The following PAICS variants were observed in gnomAD, a reference collection of about 807,000 sequenced individuals.
PAICS encodes the protein phosphoribosylaminoimidazole carboxylase and phosphoribosylaminoimidazolesuccinocarboxamide synthase.
A neutral mutation model predicts 53.7 loss-of-function variants in PAICS; 33 were observed. The ratio of observed to expected loss-of-function variants is 0.61; its 90% CI spans 0.47 to 0.82. PAICS has a LOEUF of 0.82. PAICS is among the 40% of genes least tolerant of loss of function. The pLI is 0.00. For missense variants in PAICS, 394 were observed against 494.1 expected (o/e 0.80, Z 1.92); for synonymous variants, 141 against 167.2 (o/e 0.84, Z 1.21).
Position 56,450,669 on chromosome 4 carries a change from G to A in PAICS, c.738G>A (p.Lys246=), listed in dbSNP as rs1409440665. The A allele has an allele frequency of 1.3e-6, 2 of 1,541,518 alleles. No individual in the cohort carries two copies. The highest frequency in any genetic ancestry group is 2.4e-5 in the South Asian group (2 of 84,228). ...EVTPEGLQMV[K]KNFEWVAERV... ...CTCCTGAAGGGCTCCAAATGGTAAA[G>A]AAAAACTTTGAGTGGGTTGCAGAGA... Residue 246 remains lysine, a synonymous_variant, in exon 6 of 9, where the codon AAG becomes AAA. Transcript: ENST00000512576.
chr4:56,437,251 A>G (rs909425531), intron 1 of PAICS, among the ~76,000 whole-genome samples: 27 of 89,594 alleles, frequency 3.0e-4, no homozygotes, highest in Non-Finnish European at 4.8e-4. Flanking sequence ...CTTTGATGCC[A>G]TGATGGTGTG....
At chr4:56,430,348 G>C in the PAICS span, among the ~76,000 whole-genome samples, 2 of 152,008 alleles carry the variant, frequency 1.3e-5, no homozygotes, top group Admixed American at 1.3e-4. Context: ...ATCCTATAAG[G>C]TAGGTGCTAT....
the PAICS span, among the ~76,000 whole-genome samples, chr4:56,417,805 G>A: frequency 6.9e-4 from 103 of 149,534 alleles, no homozygotes; most frequent in African/African-American, 2.3e-3. Context: ...AATAAATTAT[G>A]ATTAATCTTC....
At chr4:56,415,700 C>A in the PAICS span, among the ~76,000 whole-genome samples, 1 of 152,152 alleles carries the variant, frequency 6.6e-6, no homozygotes, top group South Asian at 2.1e-4. Context: ...GCAGGACCTA[C>A]TCTTTTACAT....
intron 6 of PAICS, 130 bp downstream of exon 6, chr4:56,450,832 T>C: frequency 1.6e-6 from 1 of 615,832 alleles, no homozygotes; most frequent in Non-Finnish European, 2.9e-6. Flanking sequence ...TTGTTGTTTT[T>C]TTTGAGACGG....
intron 6 of PAICS, 42 bp downstream of exon 6, chr4:56,450,744 C>CAGA (rs755519249): frequency 8.1e-5 from 76 of 940,168 alleles, no homozygotes; most frequent in South Asian, 4.8e-4. Flanking sequence ...ATGTGTTTTT[C>CAGA]TTCTAAGAAA....
rs764527981 is a variant in PAICS at position 56,459,388 on chromosome 4, C to T, written c.1128C>T (p.Thr376=). Residue 376 remains threonine (T), a synonymous_variant, in exon 9 of 9, where the codon ACC becomes ACT. Coordinates refer to ENST00000512576, the MANE Select transcript of PAICS (RefSeq NM_001079524.2). ...AACCAATAGGTCTTGGCTGTTCAAC[C>T]GTACTTTCTCCAGAAGGATCAGCTC... ...LRLPSGLGCS[T]VLSPEGSAQF... 11 of 1,592,388 alleles carry T rather than the reference C, an allele frequency of 6.9e-6. No individual in the cohort carries two copies. Among genetic ancestry groups the T allele is most frequent in the East Asian group, 6.8e-5 (3 of 44,434 alleles).
rs201075940 is a variant in PAICS at position 56,451,908 on chromosome 4, G to C, written c.808G>C (p.Val270Leu). Reference sequence around the variant, plus strand: ...ATCAGAAAGTCAGTGCAGGGTTGTAGTGTTGATGGGCTCTACTTCTGATCT... The same window carrying C: ...ATCAGAAAGTCAGTGCAGGGTTGTACTGTTGATGGGCTCTACTTCTGATCT... Reference protein sequence around the residue: ...LKSESQCRVVVLMGSTSDLGH... With the variant: ...LKSESQCRVVLLMGSTSDLGH... The change falls in exon 7 of 9, where the codon GTG (valine) becomes CTG (leucine). Residue 270 changes from valine to leucine, a missense_variant. By Grantham distance (32) the Val-to-Leu change is conservative (BLOSUM62 1). This residue lies in a region of PAICS where 131 missense variants were observed against 205.5 expected (regional missense o/e 0.64). Transcript: ENST00000512576. 1.8e-4 allele frequency: 293 copies of C among 1,606,934 alleles called. No individual in the cohort carries two copies. The African/African-American group carries it at 3.3e-3, about 18-fold the overall frequency.
At chr4:56,438,403 A>ATATAAATATATATATATAT (rs71194108) in intron 1 of PAICS, among the ~76,000 whole-genome samples, 1 of 114,474 alleles carries the variant, frequency 8.7e-6, no homozygotes, top group Non-Finnish European at 1.7e-5. Context: ...ATATATATAT[A>ATATAAATATATATATATAT]AAAGGTTTTT....
At chr4:56,435,225 G>C (rs527578041), upstream of PAICS, 2 of 1,400,482 alleles carry the variant, frequency 1.4e-6, no homozygotes, top group Admixed American at 1.9e-5. Context: ...CCACAGGCAG[G>C]TACTGGCTTA....
chr4:56,422,963 C>G, the PAICS span: 1 of 152,254 alleles, frequency 6.6e-6, no homozygotes, highest in African/African-American at 2.4e-5. Flanking sequence ...AACAAGTCTT[C>G]CAGGTTATAA....
upstream of PAICS, among the ~76,000 whole-genome samples, chr4:56,433,018 T>C (rs951559150): frequency 4.7e-5 from 7 of 150,264 alleles, no homozygotes; most frequent in Non-Finnish European, 1.0e-4. Context: ...TATATAAAAC[T>C]AAACTAAAAG....
In PAICS at chr4:56,463,418, G is replaced by C. The variant is rs1719581006; in HGVS notation, c.*3880G>C. 1 of 151,822 alleles carries C rather than the reference G, an allele frequency of 6.6e-6. No individual in the cohort carries two copies. Among genetic ancestry groups the C allele is most frequent in the African/African-American group, 2.4e-5 (1 of 41,252 alleles). The allele number at this position is 151,822 out of a possible 1,614,324, so 9.4% of individuals were successfully genotyped here. On this transcript the variant is annotated 3_prime_UTR_variant, in exon 9 of 9. Transcript: ENST00000512576. Reference sequence around the variant, plus strand: ...CATAAGATACTGTACATGAGGCTGGGTGCAGTGGCTCACGCCTGTAATCCC... The same window carrying C: ...CATAAGATACTGTACATGAGGCTGGCTGCAGTGGCTCACGCCTGTAATCCC...
chr4:56,454,907 C>G (rs1214011433), intron 8 of PAICS, among the ~76,000 whole-genome samples: 1 of 151,950 alleles, frequency 6.6e-6, no homozygotes, highest in African/African-American at 2.4e-5. Context: ...CCTGTCATCC[C>G]AGCACTTTGG....
the PAICS span, among the ~76,000 whole-genome samples, chr4:56,414,712 C>T: frequency 6.6e-6 from 1 of 152,176 alleles, no homozygotes; most frequent in African/African-American, 2.4e-5. Flanking sequence ...GGACGTAAAT[C>T]TGGACTCTAA....
the PAICS span, chr4:56,410,875 T>C: frequency 1.4e-5 from 12 of 830,358 alleles, no homozygotes; most frequent in Non-Finnish European, 1.7e-5. Context: ...TCAGCCCAAG[T>C]ACAGCCCCAG....
At chr4:56,444,239 A>G (rs1718481266) in intron 2 of PAICS, among the ~76,000 whole-genome samples, 1 of 152,202 alleles carries the variant, frequency 6.6e-6, no homozygotes, top group African/African-American at 2.4e-5. Context: ...GTAAAGGACT[A>G]TATAAATAAG....
At chr4:56,453,106 A>G (rs1343298655) in intron 7 of PAICS, among the ~76,000 whole-genome samples, 1 of 152,244 alleles carries the variant, frequency 6.6e-6, no homozygotes, top group Non-Finnish European at 1.5e-5. Flanking sequence ...ATTATGTTAA[A>G]AAATGTATCA....
chr4:56,438,944 T>A (rs1718192804), intron 1 of PAICS, among the ~76,000 whole-genome samples: 1 of 152,216 alleles, frequency 6.6e-6, no homozygotes, highest in Non-Finnish European at 1.5e-5. Context: ...TTCTGTGCTT[T>A]CCCAGACTCT....
Sources: gnomAD v4.1 joint callset for allele counts (sites outside exome capture counted in the v4.1 genomes callset) on GRCh38, gnomAD v4.1.1 for gene constraint, gnomAD v4.1.1 regional missense constraint, MANE v1.5 for transcripts, NCBI Gene and HGNC (gene_info 2026-07-23, HGNC 2026-07-21) for gene names.